Variants in NIPAL3 observed in about 807,000 individuals in gnomAD.
The protein encoded by NIPAL3 is NIPA like domain containing 3.
Under a neutral mutation model 47.2 loss-of-function variants are expected in NIPAL3, and 41 were observed. That is an observed-to-expected ratio of 0.87 (90% CI 0.68 to 1.13). The LOEUF (loss-of-function observed/expected upper bound fraction) is 1.13, where lower values mean the gene tolerates loss of function less well. Among genes scored for constraint, NIPAL3 ranks in the 50% most tolerant of loss-of-function variants. The pLI is 0.00. For missense variants in NIPAL3, 449 were observed against 530.1 expected, an observed-to-expected ratio of 0.85 and a Z score of 1.50; for synonymous variants, 194 against 209.6, an observed-to-expected ratio of 0.93 and a Z score of 0.64.
chr1:24,458,175 C>T (rs1454998386), intron 8 of NIPAL3, among the ~76,000 whole-genome samples: 2 of 152,206 alleles, frequency 1.3e-5, no homozygotes, highest in Non-Finnish European at 2.9e-5. Flanking sequence ...ACCTGTAATC[C>T]CAGCTACTCA....
chr1:24,448,219 A>G (rs1645765353), intron 5 of NIPAL3, among the ~76,000 whole-genome samples: 1 of 152,244 alleles, frequency 6.6e-6, no homozygotes, highest in Admixed American at 6.5e-5. Flanking sequence ...CTATCCCAGA[A>G]AAGTCCAGAG....
At chr1:24,466,125 G>A (rs1293602508) in intron 11 of NIPAL3, 5 of 1,593,902 alleles carry the variant, frequency 3.1e-6, no homozygotes, top group Admixed American at 1.8e-5. Flanking sequence ...TTAAAAATGA[G>A]ATCGAGAAAC....
chr1:24,413,723 T>C (rs1382251692), upstream of NIPAL3: 1 of 152,252 alleles, frequency 6.6e-6, no homozygotes, highest in Non-Finnish European at 1.5e-5. Flanking sequence ...TCCCGGTCGC[T>C]ATGGCACCCA....
chr1:24,432,215 C>T (rs1570240278), intron 2 of NIPAL3, among the ~76,000 whole-genome samples: 5 of 152,138 alleles, frequency 3.3e-5, no homozygotes, highest in Admixed American at 6.5e-5. Flanking sequence ...CTGCAGTCTC[C>T]GCCTTCCGGG....
intron 7 of NIPAL3, among the ~76,000 whole-genome samples, chr1:24,455,709 C>A (rs1646166434): frequency 6.6e-6 from 1 of 152,122 alleles, no homozygotes; most frequent in Admixed American, 6.5e-5. Context: ...TGACTGAGCA[C>A]TAAAAAACCC....
chr1:24,419,472 G>A lies in NIPAL3; in HGVS notation c.-76G>A. The A allele has an allele frequency of 6.9e-7, 1 of 1,455,842 alleles. No homozygotes were observed. Among genetic ancestry groups the A allele is most frequent in the East Asian group, 2.7e-5 (1 of 37,716 alleles). The allele number at this position is 1,455,842 out of a possible 1,614,324, so 90.2% of individuals were successfully genotyped here. A position where few individuals can be genotyped will look rare whatever the true frequency, so the allele number is the denominator to read the frequency against. On this transcript the variant is annotated 5_prime_UTR_variant, in exon 2 of 12. Transcript: ENST00000374399. ...GAGGTGAACACCACAAGGAGAGATGGCATCTGGCCTGGGCCCCGCCTAGCA... is the reference window on the plus strand; with the variant it reads ...GAGGTGAACACCACAAGGAGAGATGACATCTGGCCTGGGCCCCGCCTAGCA...
chr1:24,465,049 G>A (rs1396329515), intron 11 of NIPAL3: 1 of 152,180 alleles, frequency 6.6e-6, no homozygotes, highest in Non-Finnish European at 1.5e-5. Context: ...TTATTAAGCT[G>A]TTGTCTGTCC....
In NIPAL3 at chr1:24,472,939, A is replaced by T. The variant is rs1646953061; in HGVS notation, c.*3754A>T. On this transcript the variant is annotated 3_prime_UTR_variant, in exon 12 of 12. Coordinates refer to ENST00000374399, the MANE Select transcript of NIPAL3 (RefSeq NM_020448.5). ...AAAAAAAGTACTAGGTGCAAATAAC[A>T]TTATGAAGTGGTATTTAATTAAAAA... 1 of 152,132 alleles carries T rather than the reference A, an allele frequency of 6.6e-6. No homozygotes were observed. The highest frequency in any genetic ancestry group is 2.1e-4 in the South Asian group (1 of 4,830). The allele number at this position is 152,132 out of a possible 1,614,324, so 9.4% of individuals were successfully genotyped here. A position where few individuals can be genotyped will look rare whatever the true frequency, so the allele number is the denominator to read the frequency against.
intron 2 of NIPAL3, among the ~76,000 whole-genome samples, chr1:24,438,531 G>A (rs765910503): frequency 4.6e-5 from 7 of 152,212 alleles, no homozygotes; most frequent in South Asian, 4.1e-4. Flanking sequence ...TCTAAGCCCC[G>A]CGATCTAGGA....
At chr1:24,443,616 C>T (rs1645504631) in intron 4 of NIPAL3, among the ~76,000 whole-genome samples, 5 of 152,222 alleles carry the variant, frequency 3.3e-5, no homozygotes, top group African/African-American at 9.7e-5. Flanking sequence ...GGAGCAGAAA[C>T]CTATTTACTT....
upstream of NIPAL3, chr1:24,414,016 A>G (rs1196246088): frequency 2.0e-5 from 3 of 152,110 alleles, no homozygotes; most frequent in Non-Finnish European, 4.4e-5. Flanking sequence ...CAAGGAATAT[A>G]CCTAAAAGAA....
In NIPAL3 at chr1:24,470,672, G is replaced by A. The variant is rs1052766699; in HGVS notation, c.*1487G>A. ...CCACTTCCCTAGACAGCCTTTAATA[G>A]GCATGATAACAGTGTTAATAGACCA... On this transcript the variant is annotated 3_prime_UTR_variant, in exon 12 of 12. Transcript: ENST00000374399. 2 of 152,290 alleles carry A rather than the reference G, an allele frequency of 1.3e-5. No homozygotes were observed. The highest frequency in any genetic ancestry group is 3.4e-3 in the Middle Eastern group (1 of 294). 9.4% of individuals were successfully genotyped at this position (152,290 alleles called of 1,614,324 possible). A position where few individuals can be genotyped will look rare whatever the true frequency, so the allele number is the denominator to read the frequency against.
At position 24,424,512 on chromosome 1, in the gene NIPAL3, G is replaced by A. The variant is rs180794976; in HGVS notation, c.93+4872G>A. Reference sequence around the variant, plus strand: ...TGTGGTTAATTCTGCGTGGGGATGGGGAGAGGGGTTTTGAGGGAAAGCCAT... The same window carrying A: ...TGTGGTTAATTCTGCGTGGGGATGGAGAGAGGGGTTTTGAGGGAAAGCCAT... On this transcript the variant is annotated intron_variant, in intron 2 of 11. Transcript: ENST00000374399. Among the ~76,000 whole-genome samples, 5 of 152,318 alleles carry A rather than the reference G, an allele frequency of 3.3e-5. No individual in the cohort carries two copies. The East Asian group carries it at 9.7e-4, about 29-fold the overall frequency.
At chr1:24,417,516 C>T (rs1273620342) in intron 1 of NIPAL3, among the ~76,000 whole-genome samples, 1 of 152,216 alleles carries the variant, frequency 6.6e-6, no homozygotes, top group African/African-American at 2.4e-5. Context: ...ATTGCAAACA[C>T]ATATTCATAG....
At chr1:24,423,892 G>C (rs921355485) in intron 2 of NIPAL3, among the ~76,000 whole-genome samples, 12 of 152,202 alleles carry the variant, frequency 7.9e-5, no homozygotes, top group Non-Finnish European at 1.6e-4. Flanking sequence ...TTTAATAAAG[G>C]AGATGTTTGC....
chr1:24,427,922 A>G (rs1206637588), intron 2 of NIPAL3, among the ~76,000 whole-genome samples: 1 of 152,094 alleles, frequency 6.6e-6, no homozygotes, highest in East Asian at 1.9e-4. Flanking sequence ...AGAATCTACA[A>G]TCCCTCTTCC....
At chr1:24,421,284 A>AGAGATTGCAGTGAGCC (rs911544535) in intron 2 of NIPAL3, among the ~76,000 whole-genome samples, 1 of 152,060 alleles carries the variant, frequency 6.6e-6, no homozygotes, top group Non-Finnish European at 1.5e-5. Flanking sequence ...CCAGGGAGGA[A>AGAGATTGCAGTGAGCC]GAGATTGCAG....
rs1467506324 is a variant in NIPAL3, at chr1:24,468,922, G to A, written c.1022-64G>A. ...ATAATTAGTCTGTGGCGGGATAGAG[G>A]GAGATGCGGCCTCCTTGGCCCCCTT... On this transcript the variant is annotated intron_variant, in intron 11 of 11. Transcript: ENST00000374399. 2.6e-5 allele frequency: 37 copies of A among 1,446,440 alleles called. No individual in the cohort carries two copies. In the South Asian group the frequency reaches 3.8e-4, roughly 15 times the overall value. The allele number at this position is 1,446,440 out of a possible 1,614,324, so 89.6% of individuals were successfully genotyped here. A position where few individuals can be genotyped will look rare whatever the true frequency, so the allele number is the denominator to read the frequency against.
intron 3 of NIPAL3, among the ~76,000 whole-genome samples, chr1:24,440,967 ATC>A (rs1345001596): frequency 6.6e-6 from 1 of 152,170 alleles, no homozygotes. Context: ...TGCACCTTTC[ATC>A]TCTGTTCCCT....
Sources: allele counts gnomAD v4.1 joint callset (sites outside exome capture counted in the v4.1 genomes callset), GRCh38; gene constraint gnomAD v4.1.1; transcripts MANE v1.5; gene names NCBI Gene and HGNC (gene_info 2026-07-23, HGNC 2026-07-21).